PGM3: variants seen among roughly 807,000 people sequenced by gnomAD.
The protein encoded by PGM3 is phosphoglucomutase 3, also known as phosphoacetylglucosamine mutase.
PGM3 carries 40 observed loss-of-function variants against 66.2 expected under a neutral mutation model. The observed-to-expected ratio is 0.60, with a 90% CI of 0.47 to 0.79. PGM3 has a LOEUF of 0.79. PGM3 is among the 30% of genes least tolerant of loss of function. PGM3 has a pLI of 0.00. For missense variants in PGM3, 537 were observed against 643.4 expected (o/e 0.83, Z 1.79); for synonymous variants, 191 against 224.2 (o/e 0.85, Z 1.32).
intron 9 of PGM3, among the ~76,000 whole-genome samples, chr6:83,175,639 C>T (rs951497064): frequency 5.3e-5 from 8 of 152,192 alleles, no homozygotes; most frequent in African/African-American, 4.8e-5. Flanking sequence ...TTCACCATAG[C>T]GACTGAATTT....
chr6:83,187,886 A>T (rs1255487843), intron 3 of PGM3, among the ~76,000 whole-genome samples: 1 of 152,212 alleles, frequency 6.6e-6, no homozygotes, highest in African/African-American at 2.4e-5. Context: ...AGAACCAAAT[A>T]CATGTGGGAT....
chr6:83,169,629 A>T (rs977400967), intron 12 of PGM3: 2 of 462,242 alleles, frequency 4.3e-6, no homozygotes, highest in South Asian at 1.7e-5. Flanking sequence ...CCTAACAGTA[A>T]GTAAGTACTA....
downstream of PGM3, chr6:83,157,058 G>A: frequency 1.1e-6 from 1 of 877,580 alleles, no homozygotes; most frequent in South Asian, 2.1e-5. Context: ...ATCTACAACA[G>A]TTTTGAATTT....
chr6:83,168,597 T>C lies in PGM3; in HGVS notation c.*637A>G. ...AGGCTGGGAAACGTATTATAATTAG[T>C]TTTTCTCCCACATACCTTCACCAAG... On this transcript the variant is annotated 3_prime_UTR_variant, in exon 13 of 13. Transcript: ENST00000513973. The C allele has an allele frequency of 1.0e-6, 1 of 997,234 alleles. No homozygotes were observed. The allele number at this position is 997,234 out of a possible 1,614,324, so 61.8% of individuals were successfully genotyped here.
chr6:83,160,441 A>C (rs1168888526), downstream of PGM3, among the ~76,000 whole-genome samples: 2 of 152,218 alleles, frequency 1.3e-5, no homozygotes, highest in Admixed American at 6.5e-5. Context: ...TGTTAAGAAG[A>C]AGCTGGAAAG....
chr6:83,181,899 A>C lies in PGM3; in HGVS notation c.624T>G (p.Leu208=). The C allele has an allele frequency of 6.2e-7, 1 of 1,612,906 alleles. No homozygotes were observed. Among genetic ancestry groups the C allele is most frequent in the Non-Finnish European group, 8.5e-7 (1 of 1,179,608 alleles). ...ASCSGDEYRS[L]KVDCANGIGA... is the part of the protein sequence containing the mutation. ...CTATGCCATTTGCACAGTCAACCTT[A>C]AGTGATCTGTATTCATCTCCACTGC... Residue 208 remains leucine, a synonymous_variant, in exon 6 of 13, where the codon CTT becomes CTG. Transcript: ENST00000513973.
rs750844550 is a variant in PGM3, at chr6:83,182,950, C to T, written c.486G>A (p.Leu162=). ...HDYGLLTTPQ[L]HYMVYCRNTG... ...TGTTTCGACAATACACCATGTAGTG[C>T]AGCTGGGGTGTTGTTAACAAGCCAT... The change falls in exon 5 of 13, where the codon CTG becomes CTA. Residue 162 remains leucine, a synonymous_variant. Transcript: ENST00000513973. 2 of 1,613,838 alleles carry T rather than the reference C, an allele frequency of 1.2e-6. No individual in the cohort carries two copies. The highest frequency in any genetic ancestry group is 1.1e-5 in the South Asian group (1 of 91,068).
In PGM3 at chr6:83,167,933, C is replaced by T. The variant is rs1243100586; in HGVS notation, c.*1301G>A. 3 of 1,614,058 alleles carry T rather than the reference C, an allele frequency of 1.9e-6. No homozygotes were observed. Among genetic ancestry groups the T allele is most frequent in the Admixed American group, 1.7e-5 (1 of 60,008 alleles). On this transcript the variant is annotated 3_prime_UTR_variant, in exon 13 of 13. Transcript: ENST00000513973. The stretch of plus-strand genomic sequence containing the variant: ...CAGGGCACTTGCTGCTCACCATCTG[C>T]ACCGTGCGCAGTATGGAGCAGCTCC...
intron 11 of PGM3, 66 bp downstream of exon 11, chr6:83,171,871 A>G: frequency 8.3e-7 from 1 of 1,200,902 alleles, no homozygotes. Context: ...AGATATAATG[A>G]GAATTGGGAT....
downstream of PGM3, chr6:83,159,913 G>A: frequency 6.2e-7 from 1 of 1,614,036 alleles, no homozygotes; most frequent in Non-Finnish European, 8.5e-7. Context: ...GCAAATTTTT[G>A]GATTTGGCTC....
chr6:83,155,680 G>A, the PGM3 span, among the ~76,000 whole-genome samples: 1 of 152,132 alleles, frequency 6.6e-6, no homozygotes, highest in East Asian at 1.9e-4. Flanking sequence ...GGTTTCCTCA[G>A]GGTTTTATAT....
Position 83,164,993 on chromosome 6 carries a change from CTCTT to C in PGM3, c.*4237_*4240del. The stretch of plus-strand genomic sequence containing the variant: ...GGTCAAGAGCTTAATAAAAGTCCCT[CTCTT>C]AAAGGCTCATCTTGATAGGAATAGA... On this transcript the variant is annotated 3_prime_UTR_variant, in exon 13 of 13. Coordinates refer to ENST00000513973, the MANE Select transcript of PGM3 (RefSeq NM_015599.3). 1 of 344,490 alleles carries C rather than the reference CTCTT, an allele frequency of 2.9e-6. No homozygotes were observed. Among genetic ancestry groups the C allele is most frequent in the Non-Finnish European group, 5.2e-6 (1 of 191,310 alleles). The allele number at this position is 344,490 out of a possible 1,614,324, so 21.3% of individuals were successfully genotyped here.
At chr6:83,149,920 T>A in the PGM3 span, among the ~76,000 whole-genome samples, 2 of 152,198 alleles carry the variant, frequency 1.3e-5, no homozygotes, top group African/African-American at 4.8e-5. Flanking sequence ...AATAAAAGGC[T>A]ATGTTTGTTG....
At position 83,166,522 on chromosome 6, in the gene PGM3, A is replaced by G. The variant is rs1785673069; in HGVS notation, c.*2712T>C. The stretch of plus-strand genomic sequence containing the variant: ...GATTTTTGTCTAACATCATTTCCAT[A>G]GTCTAAAATAAATATAAACAGCAAT... On this transcript the variant is annotated 3_prime_UTR_variant, in exon 13 of 13. Transcript: ENST00000513973. The G allele has an allele frequency of 2.9e-6, 2 of 682,482 alleles. No individual in the cohort carries two copies. The highest frequency in any genetic ancestry group is 3.2e-5 in the South Asian group (2 of 62,028). The allele number at this position is 682,482 out of a possible 1,614,324, so 42.3% of individuals were successfully genotyped here.
intron 3 of PGM3, 187 bp downstream of exon 3, chr6:83,188,427 G>T: frequency 1.9e-6 from 1 of 523,222 alleles, no homozygotes; most frequent in Non-Finnish European, 3.4e-6. Context: ...ACCAGAGTCA[G>T]ACTCCAAACC....
At chr6:83,187,110 T>A (rs1334424198) in intron 3 of PGM3, 35 bp from the exon 4 acceptor site, 1 of 1,348,778 alleles carries the variant, frequency 7.4e-7, no homozygotes, top group African/African-American at 1.4e-5. Context: ...ATATATCCCA[T>A]CCTGAAACTG....
chr6:83,177,961 C>CT (rs1464092065), intron 8 of PGM3, among the ~76,000 whole-genome samples: 1 of 152,154 alleles, frequency 6.6e-6, no homozygotes, highest in Non-Finnish European at 1.5e-5. Context: ...TAAAGCCCTA[C>CT]TTTTCCTTAC....
chr6:83,174,022 C>T (rs1383556114), intron 10 of PGM3, among the ~76,000 whole-genome samples: 4 of 152,068 alleles, frequency 2.6e-5, no homozygotes, highest in Non-Finnish European at 5.9e-5. Flanking sequence ...AGGCATGAGC[C>T]ACCGTGCCTG....
chr6:83,152,152 T>C, the PGM3 span: 2 of 1,090,292 alleles, frequency 1.8e-6, no homozygotes, highest in Non-Finnish European at 2.6e-6. Context: ...AAGTAACTTT[T>C]TTTCAGTGGG....
Sources: allele counts gnomAD v4.1 joint callset (sites outside exome capture counted in the v4.1 genomes callset), GRCh38; gene constraint gnomAD v4.1.1; transcripts MANE v1.5; gene names NCBI Gene and HGNC (gene_info 2026-07-23, HGNC 2026-07-21).